The following ST8SIA6 variants were observed in gnomAD, a reference collection of about 807,000 sequenced individuals.
ST8SIA6 encodes ST8 alpha-N-acetyl-neuraminide alpha-2,8-sialyltransferase 6.
ST8SIA6 carries 39 observed loss-of-function variants against 33.6 expected under a neutral mutation model. That is an observed-to-expected ratio of 1.16 (90% CI 0.90 to 1.52). ST8SIA6 has a LOEUF of 1.52. Ranked by LOEUF, ST8SIA6 falls within the 40% of genes most tolerant of loss-of-function variation. The probability of loss-of-function intolerance (pLI) is 0.00; values close to 1 mark genes in which losing one functional copy is unlikely to be tolerated. For missense variants in ST8SIA6, 441 were observed against 443.8 expected, an observed-to-expected ratio of 0.99 and a Z score of 0.06; for synonymous variants, 172 against 167.2, an observed-to-expected ratio of 1.03 and a Z score of -0.22.
intron 3 of ST8SIA6, among the ~76,000 whole-genome samples, chr10:17,372,797 A>G (rs1849778357): frequency 6.6e-6 from 1 of 152,230 alleles, no homozygotes; most frequent in Admixed American, 6.5e-5. Context: ...CAGAACTCAC[A>G]AAGTCTCTTA....
Position 17,317,800 on chromosome 10 carries a change from T to C in ST8SIA6, c.*3078A>G, listed in dbSNP as rs1268548124. Among the ~76,000 whole-genome samples, 7 of 152,200 alleles carry C rather than the reference T, an allele frequency of 4.6e-5. No homozygotes were observed. Among genetic ancestry groups the C allele is most frequent in the Admixed American group, 4.6e-4 (7 of 15,282 alleles). On this transcript the variant is annotated 3_prime_UTR_variant, in exon 8 of 8. Coordinates refer to ENST00000377602, the MANE Select transcript of ST8SIA6 (RefSeq NM_001004470.3). ...ACAGAGAGTCCTCAAAAAAAGACTT[T>C]TTGACTGATTACCTGGCTGAGAGCC...
chr10:17,407,035 G>A (rs184760960), intron 2 of ST8SIA6, among the ~76,000 whole-genome samples: 89 of 152,046 alleles, frequency 5.9e-4, no homozygotes, highest in Non-Finnish European at 8.4e-4. Context: ...CAGGTGATCT[G>A]CCTGCCTTGG....
At chr10:17,377,436 A>G (rs1849956343) in intron 3 of ST8SIA6, among the ~76,000 whole-genome samples, 1 of 152,178 alleles carries the variant, frequency 6.6e-6, no homozygotes, top group Admixed American at 6.5e-5. Context: ...AACCTAAGAA[A>G]AACATTCATT....
Position 17,424,680 on chromosome 10 carries a change from G to A in ST8SIA6, c.200+28879C>T, listed in dbSNP as rs143320943. Among the ~76,000 whole-genome samples the A allele has an allele frequency of 9.4e-4, 143 of 151,642 alleles. 2 individuals are homozygous for A. In the East Asian group the frequency reaches 0.025, roughly 27 times the overall value. ...TTATCTCCCTGTTTTACTTGCAGCTGTGCCCATCAACCACTAATTATTTTT... is the reference window on the plus strand; with the variant it reads ...TTATCTCCCTGTTTTACTTGCAGCTATGCCCATCAACCACTAATTATTTTT... On this transcript the variant is annotated intron_variant, in intron 2 of 7. Transcript: ENST00000377602.
At chr10:17,442,806 A>G (rs1852548965) in intron 2 of ST8SIA6, among the ~76,000 whole-genome samples, 2 of 152,210 alleles carry the variant, frequency 1.3e-5, no homozygotes, top group Admixed American at 1.3e-4. Flanking sequence ...ACACATAAGC[A>G]CACAACTATA....
intron 4 of ST8SIA6, among the ~76,000 whole-genome samples, chr10:17,333,972 C>T (rs1848418681): frequency 6.7e-6 from 1 of 149,220 alleles, no homozygotes; most frequent in African/African-American, 2.5e-5. Flanking sequence ...TCTGCACCCT[C>T]AGCCTCCCAA....
chr10:17,328,376 T>C (rs76284003), intron 5 of ST8SIA6, among the ~76,000 whole-genome samples: 3,705 of 152,316 alleles, frequency 0.024, 58 homozygotes, highest in African/African-American at 0.042. Flanking sequence ...TTTTAGGACC[T>C]GGCCTGCTTA....
chr10:17,393,851 AG>A (rs1231955784), intron 2 of ST8SIA6, among the ~76,000 whole-genome samples: 12 of 152,312 alleles, frequency 7.9e-5, no homozygotes, highest in Admixed American at 6.5e-4. Context: ...GGCTCACAAA[AG>A]TCCCTCTTAA....
intron 2 of ST8SIA6, among the ~76,000 whole-genome samples, chr10:17,401,558 G>C (rs1441835368): frequency 3.3e-5 from 5 of 152,162 alleles, no homozygotes; most frequent in African/African-American, 1.2e-4. Context: ...AACCAAAACA[G>C]CATGGTACTG....
chr10:17,445,648 G>A (rs1404446739), intron 2 of ST8SIA6, among the ~76,000 whole-genome samples: 2 of 152,220 alleles, frequency 1.3e-5, no homozygotes, highest in African/African-American at 2.4e-5. Context: ...TCTGTCCCCA[G>A]TGCCCCTTCA....
chr10:17,331,689 T>C (rs1848307278), intron 4 of ST8SIA6, 137 bp from the exon 5 acceptor site: 1 of 884,346 alleles, frequency 1.1e-6, no homozygotes, highest in Non-Finnish European at 1.6e-6. Flanking sequence ...AAAGATGACT[T>C]TGATTTTTGT....
intron 4 of ST8SIA6, among the ~76,000 whole-genome samples, chr10:17,333,410 C>G (rs1485332979): frequency 1.3e-5 from 2 of 151,512 alleles, no homozygotes; most frequent in Admixed American, 1.3e-4. Context: ...TCATATGGAA[C>G]CAGAAAAGAG....
chr10:17,425,873 T>G (rs1851922372), intron 2 of ST8SIA6, among the ~76,000 whole-genome samples: 1 of 152,172 alleles, frequency 6.6e-6, no homozygotes, highest in Non-Finnish European at 1.5e-5. Flanking sequence ...TCCAATATTA[T>G]GCATGCTTTG....
At chr10:17,436,282 G>T (rs902765046) in intron 2 of ST8SIA6, among the ~76,000 whole-genome samples, 8 of 151,096 alleles carry the variant, frequency 5.3e-5, no homozygotes, top group African/African-American at 2.0e-4. Flanking sequence ...GAGGGTCCCT[G>T]GGGGGGAGGT....
chr10:17,325,178 A>G (rs1427883171), intron 6 of ST8SIA6, among the ~76,000 whole-genome samples: 1 of 141,884 alleles, frequency 7.0e-6, no homozygotes, highest in Non-Finnish European at 1.5e-5. Context: ...GTACATATGT[A>G]ATGTATACAT....
intron 2 of ST8SIA6, among the ~76,000 whole-genome samples, chr10:17,448,778 G>A (rs1287982775): frequency 1.4e-5 from 2 of 144,692 alleles, no homozygotes; most frequent in East Asian, 3.9e-4. Flanking sequence ...ACCACGCCAG[G>A]CTAATTTTTT....
At position 17,453,581 on chromosome 10, in the gene ST8SIA6, C is replaced by T; in HGVS notation, c.178G>A (p.Ala60Thr). Residue 60 changes from alanine (A) to threonine (T), a missense_variant, in exon 2 of 8, where the codon GCG becomes ACG. By Grantham distance (58) the Ala-to-Thr change is moderately conservative. Transcript: ENST00000377602. ...ALRTLRSPAT[A>T]VPRATNSTYL... ...TACCTGTTAGTGGCGCGCGGTACCG[C>T]GGTCGCCGGGCTCCGGAGCGTCCTC... The T allele has an allele frequency of 7.5e-7, 1 of 1,326,458 alleles. No homozygotes were observed. The highest frequency in any genetic ancestry group is 9.7e-7 in the Non-Finnish European group (1 of 1,030,710). 82.2% of individuals were successfully genotyped at this position (1,326,458 alleles called of 1,614,324 possible).
chr10:17,359,628 A>G, intron 3 of ST8SIA6, 28 bp from the exon 4 acceptor site: 9 of 1,400,194 alleles, frequency 6.4e-6, no homozygotes, highest in Non-Finnish European at 9.0e-6. Flanking sequence ...ATATAATTAG[A>G]AAATAATGAT....
intron 2 of ST8SIA6, among the ~76,000 whole-genome samples, chr10:17,418,680 T>C (rs577664371): frequency 2.0e-5 from 3 of 152,326 alleles, no homozygotes; most frequent in African/African-American, 7.2e-5. Context: ...CATTTTCCTT[T>C]CAAATTGTTT....
Sources: gnomAD v4.1 joint callset for allele counts (sites outside exome capture counted in the v4.1 genomes callset) on GRCh38, gnomAD v4.1.1 for gene constraint, MANE v1.5 for transcripts, NCBI Gene and HGNC (gene_info 2026-07-23, HGNC 2026-07-21) for gene names.